Variants in RAB31 observed in about 807,000 individuals in gnomAD.
The protein encoded by RAB31 is RAB31, member RAS oncogene family, also known as ras-related protein Rab-31.
A neutral mutation model predicts 25.6 loss-of-function variants in RAB31; 21 were observed. The ratio of observed to expected loss-of-function variants is 0.82; its 90% CI spans 0.58 to 1.18. The LOEUF is 1.18. Ranked by LOEUF, RAB31 falls within the 50% of genes most tolerant of loss-of-function variation. The probability of loss-of-function intolerance (pLI) is 0.00; values close to 1 mark genes in which losing one functional copy is unlikely to be tolerated. For synonymous variants in RAB31, 87 were observed against 84.0 expected (o/e 1.04, Z -0.20); for missense variants, 196 against 250.1 (o/e 0.78, Z 1.46).
intron 5 of RAB31, among the ~76,000 whole-genome samples, chr18:9,820,350 C>T (rs1256489246): frequency 6.6e-6 from 1 of 152,048 alleles, no homozygotes; most frequent in East Asian, 1.9e-4. Context: ...TGGGATAAAT[C>T]ACACTTGGTC....
chr18:9,724,958 G>A (rs890278741), intron 1 of RAB31, among the ~76,000 whole-genome samples: 2 of 152,166 alleles, frequency 1.3e-5, no homozygotes, highest in African/African-American at 4.8e-5. Flanking sequence ...TTATCTGAAG[G>A]CTTTGTTGCT....
At chr18:9,818,514 G>A (rs565162312) in intron 5 of RAB31, among the ~76,000 whole-genome samples, 1 of 152,328 alleles carries the variant, frequency 6.6e-6, no homozygotes, top group Non-Finnish European at 1.5e-5. Context: ...GCAAATGTCA[G>A]TGATGCATTC....
intron 1 of RAB31, among the ~76,000 whole-genome samples, chr18:9,746,642 G>A (rs1354564293): frequency 6.6e-6 from 1 of 152,166 alleles, no homozygotes; most frequent in Non-Finnish European, 1.5e-5. Flanking sequence ...TTTTCAATAA[G>A]AGTACGAAGA....
intron 2 of RAB31, among the ~76,000 whole-genome samples, chr18:9,784,001 C>G (rs1309119956): frequency 6.6e-6 from 1 of 152,072 alleles, no homozygotes; most frequent in Non-Finnish European, 1.5e-5. Context: ...TGGAGTGTAT[C>G]TATTTTTGTT....
At chr18:9,833,223 C>T (rs529334482) in intron 5 of RAB31, among the ~76,000 whole-genome samples, 7 of 152,296 alleles carry the variant, frequency 4.6e-5, no homozygotes, top group East Asian at 1.9e-4. Context: ...GCGCTCCAGC[C>T]GCTCCGGGAA....
chr18:9,735,135 A>G (rs1242978470), intron 1 of RAB31, among the ~76,000 whole-genome samples: 1 of 151,828 alleles, frequency 6.6e-6, no homozygotes, highest in South Asian at 2.1e-4. Context: ...CTCCTGTCTC[A>G]GCCTCTCAAG....
Position 9,838,934 on chromosome 18 carries a change from T to C in RAB31, c.381-6648T>C, listed in dbSNP as rs528082209. 3.3e-5 allele frequency among the ~76,000 whole-genome samples: 5 copies of C among 152,286 alleles called. No homozygotes were observed. In the South Asian group the frequency reaches 8.3e-4, roughly 25 times the overall value. ...ACTTCCCACTAAGTCCATAGATTCC[T>C]CCACTACCCACTCCTCCTTTCTGCT... On this transcript the variant is annotated intron_variant, in intron 5 of 6. Coordinates refer to ENST00000578921, the MANE Select transcript of RAB31 (RefSeq NM_006868.4).
chr18:9,845,832 T>C (rs1184887665), intron 6 of RAB31, 141 bp downstream of exon 6: 1 of 1,312,962 alleles, frequency 7.6e-7, no homozygotes, highest in Non-Finnish European at 9.9e-7. Flanking sequence ...TCTACAGCTA[T>C]GCAGTTGTTA....
At chr18:9,719,814 T>C (rs2068065465) in intron 1 of RAB31, among the ~76,000 whole-genome samples, 1 of 152,134 alleles carries the variant, frequency 6.6e-6, no homozygotes, top group Non-Finnish European at 1.5e-5. Flanking sequence ...AGGCTTCGCT[T>C]TTACAGGAAA....
At chr18:9,715,830 C>G (rs2068041826) in intron 1 of RAB31, among the ~76,000 whole-genome samples, 1 of 152,180 alleles carries the variant, frequency 6.6e-6, no homozygotes, top group Non-Finnish European at 1.5e-5. Flanking sequence ...CTGTGCCCAG[C>G]CTGTCTTTCT....
At chr18:9,834,359 AC>A (rs2068693953) in intron 5 of RAB31, among the ~76,000 whole-genome samples, 1 of 151,824 alleles carries the variant, frequency 6.6e-6, no homozygotes, top group African/African-American at 2.4e-5. Context: ...CAGGTGATCC[AC>A]CCTCCTCGGC....
intron 1 of RAB31, among the ~76,000 whole-genome samples, chr18:9,710,749 T>A (rs979148183): frequency 7.2e-5 from 11 of 152,016 alleles, no homozygotes; most frequent in Non-Finnish European, 1.5e-4. Context: ...TCCCAGCTAC[T>A]CGGGAGGCTG....
chr18:9,816,644 C>T (rs900129254), intron 5 of RAB31, among the ~76,000 whole-genome samples: 1 of 152,152 alleles, frequency 6.6e-6, no homozygotes, highest in African/African-American at 2.4e-5. Flanking sequence ...GGTTATTGAA[C>T]TTCTTATATC....
chr18:9,843,878 C>T (rs756385834), intron 5 of RAB31, among the ~76,000 whole-genome samples: 6 of 152,070 alleles, frequency 3.9e-5, no homozygotes, highest in South Asian at 2.1e-4. Flanking sequence ...GGGTCTTCCC[C>T]GCATATGGTT....
At position 9,708,444 on chromosome 18, in the gene RAB31, G is replaced by A; in HGVS notation, c.39G>A (p.Gly13=). The A allele has an allele frequency of 1.3e-6, 2 of 1,568,432 alleles. No homozygotes were observed. The highest frequency in any genetic ancestry group is 1.7e-6 in the Non-Finnish European group (2 of 1,158,972). The change falls in exon 1 of 7, where the codon GGG becomes GGA. Residue 13 remains glycine, a splice_region_variant and synonymous_variant. Coordinates refer to ENST00000578921, the MANE Select transcript of RAB31 (RefSeq NM_006868.4). This position sits in a 1 kb window ranked among gnomAD's most constrained non-coding sequence, Gnocchi z 6.4. ...AIRELKVCLL[G]DTGVGKSSIV... ...GGGAGCTCAAAGTGTGCCTTCTCGG[G>A]GTGAGTCCTGGCCGCCACCCGCCGG... is the stretch of plus-strand genomic sequence containing the variant.
intron 3 of RAB31, among the ~76,000 whole-genome samples, chr18:9,804,150 C>T (rs1249208475): frequency 6.6e-6 from 1 of 152,232 alleles, no homozygotes. Context: ...ACACGGGCTT[C>T]TGCCCTGCTC....
chr18:9,835,630 G>A lies in RAB31; in HGVS notation c.381-9952G>A, dbSNP rs118098936. On this transcript the variant is annotated intron_variant, in intron 5 of 6. Coordinates refer to ENST00000578921, the MANE Select transcript of RAB31 (RefSeq NM_006868.4). Reference sequence around the variant, plus strand: ...CCTTGGGAGCAGAAATTCTTTGCTGGTACACGGTTGTCAAGTGCTTTAGCT... The same window carrying A: ...CCTTGGGAGCAGAAATTCTTTGCTGATACACGGTTGTCAAGTGCTTTAGCT... Among the ~76,000 whole-genome samples, 1,452 of 152,268 alleles carry A rather than the reference G, an allele frequency of 9.5e-3. 15 individuals carry two copies. The highest frequency in any genetic ancestry group is 0.014 in the Admixed American group (213 of 15,298).
At chr18:9,841,031 C>T (rs1344341903) in intron 5 of RAB31, among the ~76,000 whole-genome samples, 2 of 152,092 alleles carry the variant, frequency 1.3e-5, no homozygotes, top group East Asian at 1.9e-4. Context: ...CAGGCTCAAG[C>T]GATCTTCCCA....
chr18:9,845,274 T>TGTAG (rs1280309060), intron 5 of RAB31, among the ~76,000 whole-genome samples: 2 of 152,260 alleles, frequency 1.3e-5, no homozygotes, highest in African/African-American at 2.4e-5. Flanking sequence ...TGAAATCAGC[T>TGTAG]GTAGCTCTGA....
Sources: gnomAD v4.1 joint callset for allele counts (sites outside exome capture counted in the v4.1 genomes callset) on GRCh38, gnomAD v4.1.1 for gene constraint, Gnocchi (gnomAD v3.1) non-coding constraint, MANE v1.5 for transcripts, NCBI Gene and HGNC (gene_info 2026-07-23, HGNC 2026-07-21) for gene names.